Variants in COX7B2 observed in about 807,000 individuals in gnomAD.
COX7B2 encodes the protein cytochrome c oxidase subunit 7B2, mitochondrial.
For synonymous variants in COX7B2, 37 were observed against 32.1 expected, an observed-to-expected ratio of 1.15 and a Z score of -0.51; for missense variants, 109 against 95.9, an observed-to-expected ratio of 1.14 and a Z score of -0.57.
At chr4:46,781,106 A>G (rs1047399081) in intron 2 of COX7B2, among the ~76,000 whole-genome samples, 2 of 152,196 alleles carry the variant, frequency 1.3e-5, no homozygotes, top group African/African-American at 4.8e-5. Context: ...CTTTGATCAT[A>G]TGTACCAACA....
At chr4:46,797,484 C>G (rs1169895708) in intron 2 of COX7B2, among the ~76,000 whole-genome samples, 1 of 152,192 alleles carries the variant, frequency 6.6e-6, no homozygotes. Context: ...ATATGCTCAG[C>G]AGCAGGCCGA....
intron 1 of COX7B2, among the ~76,000 whole-genome samples, chr4:46,853,529 G>C (rs1236377016): frequency 6.6e-6 from 1 of 151,900 alleles, no homozygotes; most frequent in African/African-American, 2.4e-5. Context: ...CAGCAGTTAT[G>C]TACATTTTTT....
At chr4:46,768,364 T>G (rs571987171) in intron 2 of COX7B2, among the ~76,000 whole-genome samples, 17 of 69,148 alleles carry the variant, frequency 2.5e-4, no homozygotes, top group Middle Eastern at 6.7e-3. Flanking sequence ...TCTAGCTGCT[T>G]CTTCTCCTCT....
intron 1 of COX7B2, among the ~76,000 whole-genome samples, chr4:46,891,923 C>T (rs920866394): frequency 6.6e-5 from 10 of 152,156 alleles, no homozygotes; most frequent in Admixed American, 2.6e-4. Context: ...TCCAGCTCTG[C>T]GAAACACATA....
intron 1 of COX7B2, among the ~76,000 whole-genome samples, chr4:46,889,618 A>G (rs1719301996): frequency 6.6e-6 from 1 of 152,226 alleles, no homozygotes; most frequent in East Asian, 1.9e-4. Context: ...ACATTCAATC[A>G]ATGGGTAATG....
At chr4:46,835,566 T>C (rs1715458893) in intron 2 of COX7B2, among the ~76,000 whole-genome samples, 1 of 151,898 alleles carries the variant, frequency 6.6e-6, no homozygotes, top group Non-Finnish European at 1.5e-5. Flanking sequence ...GTGAAAATGG[T>C]TTTCAATGGA....
At chr4:46,758,440 G>T (rs1392483513) in intron 2 of COX7B2, among the ~76,000 whole-genome samples, 5 of 152,066 alleles carry the variant, frequency 3.3e-5, no homozygotes, top group Admixed American at 3.3e-4. Flanking sequence ...AGTACCTAAA[G>T]TACAGACAGT....
chr4:46,814,940 C>G (rs758736571), intron 2 of COX7B2, among the ~76,000 whole-genome samples: 62 of 152,100 alleles, frequency 4.1e-4, no homozygotes, highest in Non-Finnish European at 6.9e-4. Flanking sequence ...AATCCCAGCA[C>G]TTTGGGTGGC....
At chr4:46,838,983 C>T (rs1188895965) in intron 2 of COX7B2, among the ~76,000 whole-genome samples, 2 of 151,862 alleles carry the variant, frequency 1.3e-5, no homozygotes, top group Non-Finnish European at 2.9e-5. Context: ...GTTCTTCATG[C>T]ATTTAGCGCC....
chr4:46,891,063 G>C (rs1279832987), intron 1 of COX7B2, among the ~76,000 whole-genome samples: 1 of 152,164 alleles, frequency 6.6e-6, no homozygotes, highest in Non-Finnish European at 1.5e-5. Flanking sequence ...AACTTCAAAA[G>C]TTGTTGAACC....
At chr4:46,857,190 C>T (rs988680627) in intron 1 of COX7B2, among the ~76,000 whole-genome samples, 3 of 152,066 alleles carry the variant, frequency 2.0e-5, no homozygotes, top group Non-Finnish European at 4.4e-5. Flanking sequence ...CTTTGTAACT[C>T]GACAAGTTAC....
chr4:46,861,167 A>G (rs1051548791), intron 1 of COX7B2, among the ~76,000 whole-genome samples: 1 of 152,004 alleles, frequency 6.6e-6, no homozygotes, highest in African/African-American at 2.4e-5. Flanking sequence ...CTGTCACTCT[A>G]TTTTTACCTT....
intron 2 of COX7B2, among the ~76,000 whole-genome samples, chr4:46,760,952 C>T (rs1716112186): frequency 6.6e-6 from 1 of 152,086 alleles, no homozygotes; most frequent in Admixed American, 6.6e-5. Context: ...TTGTATATGG[C>T]AACAAATTAT....
At chr4:46,861,000 G>T (rs1272711791) in intron 1 of COX7B2, among the ~76,000 whole-genome samples, 3 of 152,134 alleles carry the variant, frequency 2.0e-5, no homozygotes, top group Non-Finnish European at 4.4e-5. Context: ...TCAGCATTTG[G>T]TCCTGTTGGC....
chr4:46,882,755 A>G (rs1189529206), intron 1 of COX7B2, among the ~76,000 whole-genome samples: 1 of 152,098 alleles, frequency 6.6e-6, no homozygotes, highest in Non-Finnish European at 1.5e-5. Flanking sequence ...ACAACTACAT[A>G]TTTCTAAAGT....
chr4:46,742,550 G>T (rs1714781651), intron 2 of COX7B2, among the ~76,000 whole-genome samples: 1 of 152,068 alleles, frequency 6.6e-6, no homozygotes, highest in African/African-American at 2.4e-5. Context: ...CTGAACAATG[G>T]TTCTATTTTA....
intron 2 of COX7B2, among the ~76,000 whole-genome samples, chr4:46,797,837 G>T (rs924369935): frequency 2.0e-5 from 3 of 152,152 alleles, no homozygotes; most frequent in African/African-American, 7.2e-5. Context: ...CACATCCTCT[G>T]GTAGCTGGTA....
At chr4:46,884,649 T>G (rs1446824033) in intron 1 of COX7B2, among the ~76,000 whole-genome samples, 1 of 152,236 alleles carries the variant, frequency 6.6e-6, no homozygotes, top group Admixed American at 6.5e-5. Context: ...TACTGTCATA[T>G]TCACATTGCC....
At chr4:46,900,047 T>C (rs1577715169) in intron 1 of COX7B2, among the ~76,000 whole-genome samples, 1 of 152,262 alleles carries the variant, frequency 6.6e-6, no homozygotes, top group South Asian at 2.1e-4. Flanking sequence ...ACCACAAGGA[T>C]TAAATCTGTA....
Sources: allele counts gnomAD v4.1 joint callset (sites outside exome capture counted in the v4.1 genomes callset), GRCh38; gene constraint gnomAD v4.1.1; transcripts MANE v1.5; gene names NCBI Gene and HGNC (gene_info 2026-07-23, HGNC 2026-07-21).